Variants in FAR2 observed in about 807,000 individuals in gnomAD.
FAR2 encodes the protein fatty acyl-CoA reductase 2.
Under a neutral mutation model 56.0 loss-of-function variants are expected in FAR2, and 19 were observed. That is an observed-to-expected ratio of 0.34 (90% CI 0.24 to 0.50). FAR2 has a LOEUF of 0.50. Among genes scored for constraint, FAR2 ranks in the 20% least tolerant of loss-of-function variants. FAR2 has a pLI of 0.98. For synonymous variants in FAR2, 219 were observed against 218.8 expected (o/e 1.00, Z -0.01); for missense variants, 508 against 642.2 (o/e 0.79, Z 2.26).
At chr12:29,273,603 C>G (rs1948655459) in intron 2 of FAR2, among the ~76,000 whole-genome samples, 2 of 152,192 alleles carry the variant, frequency 1.3e-5, no homozygotes, top group South Asian at 4.1e-4. Context: ...TTGCCAGTCC[C>G]AGTGCTGGCT....
intron 1 of FAR2, among the ~76,000 whole-genome samples, chr12:29,235,642 G>T (rs1180316061): frequency 6.6e-6 from 1 of 152,116 alleles, no homozygotes; most frequent in Non-Finnish European, 1.5e-5. Context: ...ACTTTTCACT[G>T]CATGTTATCT....
chr12:29,170,428 C>T (rs1949873853), intron 1 of FAR2, among the ~76,000 whole-genome samples: 1 of 152,232 alleles, frequency 6.6e-6, no homozygotes, highest in African/African-American at 2.4e-5. Context: ...CCCTTGTTTA[C>T]ACTGACAACA....
intron 2 of FAR2, among the ~76,000 whole-genome samples, chr12:29,287,840 TGTAAGAGACCATGTTAAA>T: frequency 1.3e-5 from 2 of 152,308 alleles, no homozygotes; most frequent in East Asian, 3.9e-4. Context: ...ACTAGTTCAT[TGTAAGAGACCATGTTAAA>T]GGCCTCTGGA....
chr12:29,222,732 T>C (rs1947709930), intron 1 of FAR2, among the ~76,000 whole-genome samples: 1 of 152,226 alleles, frequency 6.6e-6, no homozygotes, highest in African/African-American at 2.4e-5. Flanking sequence ...GGAGCCTGAC[T>C]AAAGTTGGGT....
intron 10 of FAR2, among the ~76,000 whole-genome samples, chr12:29,326,797 T>C (rs1337591028): frequency 6.6e-6 from 1 of 152,102 alleles, no homozygotes; most frequent in Non-Finnish European, 1.5e-5. Flanking sequence ...GCCAATATCA[T>C]ACTGAATGGA....
chr12:29,300,743 C>T (rs1395230703), intron 4 of FAR2, among the ~76,000 whole-genome samples: 4 of 151,912 alleles, frequency 2.6e-5, no homozygotes, highest in African/African-American at 4.8e-5. Flanking sequence ...AGGAACCAGG[C>T]GTTAGACAAC....
chr12:29,194,738 G>T (rs1230803991), intron 1 of FAR2, among the ~76,000 whole-genome samples: 1 of 152,086 alleles, frequency 6.6e-6, no homozygotes, highest in African/African-American at 2.4e-5. Context: ...TGTATGATTC[G>T]AACTTACTGC....
chr12:29,327,630 C>A (rs1265793204), intron 10 of FAR2, among the ~76,000 whole-genome samples: 1 of 152,096 alleles, frequency 6.6e-6, no homozygotes, highest in African/African-American at 2.4e-5. Flanking sequence ...CTTTGACAAA[C>A]CTGACAAAAA....
intron 1 of FAR2, among the ~76,000 whole-genome samples, chr12:29,234,312 T>C (rs147944716): frequency 1.8e-3 from 281 of 152,286 alleles, no homozygotes; most frequent in African/African-American, 6.1e-3. Flanking sequence ...GTTCTCTTTT[T>C]TCCCCTTTCC....
intron 10 of FAR2, among the ~76,000 whole-genome samples, chr12:29,327,160 C>A (rs916258859): frequency 6.6e-6 from 1 of 152,052 alleles, no homozygotes. Flanking sequence ...ATAATTGCTA[C>A]AAAGAGAATA....
intron 3 of FAR2, among the ~76,000 whole-genome samples, chr12:29,296,584 G>C (rs972421666): frequency 1.3e-5 from 2 of 152,116 alleles, no homozygotes; most frequent in Admixed American, 6.5e-5. Context: ...TGTCTTGCCT[G>C]GATCTTTACA....
chr12:29,321,956 A>G (rs972193376), intron 10 of FAR2, 32 bp downstream of exon 10: 19 of 1,585,118 alleles, frequency 1.2e-5, no homozygotes, highest in Non-Finnish European at 1.6e-5. Flanking sequence ...GCACCAGGAA[A>G]ATGCTACTCA....
intron 1 of FAR2, among the ~76,000 whole-genome samples, chr12:29,174,431 T>A (rs1037697725): frequency 8.0e-6 from 1 of 124,632 alleles, no homozygotes; most frequent in African/African-American, 3.3e-5. Flanking sequence ...TTCTTTTTTT[T>A]TTTTTTTTTT....
At chr12:29,222,112 G>A (rs966119026) in intron 1 of FAR2, among the ~76,000 whole-genome samples, 2 of 152,098 alleles carry the variant, frequency 1.3e-5, no homozygotes, top group Non-Finnish European at 2.9e-5. Flanking sequence ...GCCTCCCAAA[G>A]TGCTAGGATT....
intron 1 of FAR2, among the ~76,000 whole-genome samples, chr12:29,187,200 C>A (rs1591838614): frequency 1.3e-5 from 2 of 152,066 alleles, no homozygotes; most frequent in East Asian, 1.9e-4. Context: ...TATGTCTTAA[C>A]CCTTTTTTTT....
chr12:29,207,300 A>T (rs904066805), intron 1 of FAR2, among the ~76,000 whole-genome samples: 2 of 152,182 alleles, frequency 1.3e-5, no homozygotes, highest in Non-Finnish European at 2.9e-5. Context: ...ATAAGTGTAG[A>T]CACATGCTAA....
rs74236374 is a variant in FAR2 at position 29,268,108 on chromosome 12, A to G, written c.-38-2304A>G. On this transcript the variant is annotated intron_variant, in intron 1 of 11. Transcript: ENST00000536681. ...TCAAATATAAATTATGACTACGAAGAGTCATTGTTGCTTAAGGAGTTACTA... is the reference window on the plus strand; with the variant it reads ...TCAAATATAAATTATGACTACGAAGGGTCATTGTTGCTTAAGGAGTTACTA... 5.0e-3 allele frequency among the ~76,000 whole-genome samples: 767 copies of G among 152,314 alleles called. 27 individuals are homozygous for G. In the East Asian group the frequency reaches 0.072, roughly 14 times the overall value.
chr12:29,266,724 C>A (rs1948522999), intron 1 of FAR2, among the ~76,000 whole-genome samples: 1 of 152,072 alleles, frequency 6.6e-6, no homozygotes, highest in South Asian at 2.1e-4. Context: ...GTGATTATTA[C>A]ACATTGCATG....
intron 1 of FAR2, among the ~76,000 whole-genome samples, chr12:29,189,387 C>T (rs112199780): frequency 2.4e-4 from 36 of 152,248 alleles, no homozygotes; most frequent in African/African-American, 7.7e-4. Context: ...TTGATATACC[C>T]GTATCCTTTT....
Sources: gnomAD v4.1 joint callset for allele counts (sites outside exome capture counted in the v4.1 genomes callset) on GRCh38, gnomAD v4.1.1 for gene constraint, MANE v1.5 for transcripts, NCBI Gene and HGNC (gene_info 2026-07-23, HGNC 2026-07-21) for gene names.